Variants in HMCN1 observed in about 807,000 individuals in gnomAD.
HMCN1 encodes the protein hemicentin-1.
HMCN1 carries 321 observed loss-of-function variants against 625.9 expected under a neutral mutation model. That is an observed-to-expected ratio of 0.51 (90% confidence interval 0.47 to 0.56). HMCN1 has a LOEUF of 0.56. Ranked by LOEUF, HMCN1 falls within the 20% of genes least tolerant of loss-of-function variation. HMCN1 has a pLI of 0.00. For missense variants in HMCN1, 6,588 were observed against 6,887.3 expected (o/e 0.96, Z 1.54); for synonymous variants, 2,425 against 2,417.6 (o/e 1.00, Z -0.09).
intron 81 of HMCN1, among the ~76,000 whole-genome samples, chr1:186,124,676 A>T (rs973827216): frequency 6.6e-6 from 1 of 152,102 alleles, no homozygotes; most frequent in Non-Finnish European, 1.5e-5. Flanking sequence ...ATTTTAATCG[A>T]AAACAGTTAA....
intron 1 of HMCN1, among the ~76,000 whole-genome samples, chr1:185,787,059 C>G (rs971541993): frequency 2.6e-5 from 4 of 151,272 alleles, no homozygotes; most frequent in Non-Finnish European, 5.9e-5. Context: ...TAAATTTGAA[C>G]CTATGAGGTG....
At chr1:185,968,496 A>ATT (rs1302812132) in intron 14 of HMCN1, among the ~76,000 whole-genome samples, 72 of 150,822 alleles carry the variant, frequency 4.8e-4, no homozygotes, top group African/African-American at 1.7e-3. Context: ...ATATATATAT[A>ATT]AATTACAAAT....
intron 4 of HMCN1, among the ~76,000 whole-genome samples, chr1:185,898,346 G>A (rs1007585355): frequency 1.6e-4 from 24 of 152,136 alleles, no homozygotes; most frequent in African/African-American, 5.8e-4. Context: ...AGAGAGTCCT[G>A]AACTGTTCAC....
At chr1:185,763,340 G>A (rs1183607601) in intron 1 of HMCN1, among the ~76,000 whole-genome samples, 4 of 152,092 alleles carry the variant, frequency 2.6e-5, no homozygotes, top group African/African-American at 9.7e-5. Context: ...AGGAATTACA[G>A]GGAAACAAAG....
intron 57 of HMCN1, among the ~76,000 whole-genome samples, chr1:186,083,776 A>G (rs1351340615): frequency 1.3e-5 from 2 of 152,124 alleles, no homozygotes; most frequent in Non-Finnish European, 2.9e-5. Flanking sequence ...GGTATCTAGC[A>G]GTATTTGGTG....
In HMCN1 at chr1:185,922,479, C is replaced by G; in HGVS notation, c.1001C>G (p.Thr334Arg). 3 of 1,613,200 alleles carry G rather than the reference C, an allele frequency of 1.9e-6. No individual in the cohort carries two copies. The highest frequency in any genetic ancestry group is 2.5e-6 in the Non-Finnish European group (3 of 1,179,438). ...SRKPTLDFKK[T>R]VSRPVQGIPT... ...AAGCCCACCCTGGACTTCAAAAAAA[C>G]AGTCAGCAGACCAGTGCAAGGTTTG... The change falls in exon 7 of 107, where the codon ACA becomes AGA. Residue 334 changes from threonine to arginine, a missense_variant. Physicochemically the swap from Thr to Arg is moderately conservative, Grantham distance 71. Coordinates refer to ENST00000271588, the MANE Select transcript of HMCN1 (RefSeq NM_031935.3).
In HMCN1 at chr1:185,925,213, T is replaced by C; in HGVS notation, c.1430+22T>C. On this transcript the variant is annotated intron_variant, in intron 9 of 106. Transcript: ENST00000271588. Reference sequence around the variant, plus strand: ...TGAAGTAGGTACATGTTTCTGTCAGTAATAAGATTCAGCATTTAACATGTA... The same window carrying C: ...TGAAGTAGGTACATGTTTCTGTCAGCAATAAGATTCAGCATTTAACATGTA... 5 of 1,601,076 alleles carry C rather than the reference T, an allele frequency of 3.1e-6. No individual in the cohort carries two copies. In the South Asian group the frequency reaches 5.5e-5, roughly 18 times the overall value.
At chr1:185,744,074 C>T (rs551669525) in intron 1 of HMCN1, among the ~76,000 whole-genome samples, 146 of 149,824 alleles carry the variant, frequency 9.7e-4, no homozygotes, top group African/African-American at 3.5e-3. Flanking sequence ...CTGCAAGCTC[C>T]GCCTCCCGGG....
intron 36 of HMCN1, among the ~76,000 whole-genome samples, chr1:186,035,864 T>C (rs568199276): frequency 1.3e-5 from 2 of 152,150 alleles, no homozygotes; most frequent in Non-Finnish European, 2.9e-5. Context: ...CATACACATA[T>C]GCATACACAA....
At chr1:186,060,781 A>C (rs1657637490) in intron 46 of HMCN1, among the ~76,000 whole-genome samples, 1 of 152,046 alleles carries the variant, frequency 6.6e-6, no homozygotes, top group South Asian at 2.1e-4. Flanking sequence ...ATTGAAAGTA[A>C]TGGTAATATA....
chr1:186,055,488 C>T lies in HMCN1; in HGVS notation c.6958C>T (p.Pro2320Ser). The T allele has an allele frequency of 6.2e-7, 1 of 1,612,826 alleles. No individual in the cohort carries two copies. The highest frequency in any genetic ancestry group is 1.1e-5 in the South Asian group (1 of 91,066). Reference sequence around the variant, plus strand: ...CTTGGAGTGTGAGGTGCAGGGTATTCCACCACCAACAGTGACCTGGATGAA... The same window carrying T: ...CTTGGAGTGTGAGGTGCAGGGTATTTCACCACCAACAGTGACCTGGATGAA... ...ISLECEVQGI[P>S]PPTVTWMKDG... Residue 2320 changes from proline to serine, a missense_variant, in exon 45 of 107, where the codon CCA (proline) becomes TCA (serine). By Grantham distance (74) the Pro-to-Ser change is moderately conservative. This residue lies in a region of HMCN1 where 4,628 missense variants were observed against 4,853.1 expected (regional missense o/e 0.95). Coordinates refer to ENST00000271588, the MANE Select transcript of HMCN1 (RefSeq NM_031935.3).
At chr1:186,038,290 G>A (rs1347043597) in intron 37 of HMCN1, among the ~76,000 whole-genome samples, 1 of 152,056 alleles carries the variant, frequency 6.6e-6, no homozygotes, top group Non-Finnish European at 1.5e-5. Flanking sequence ...CAATATTGTG[G>A]CCACAAGGCC....
chr1:186,171,925 T>G, intron 101 of HMCN1, 81 bp from the exon 102 acceptor site: 1 of 1,390,970 alleles, frequency 7.2e-7, no homozygotes, highest in Non-Finnish European at 1.0e-6. Flanking sequence ...ATAATATCCC[T>G]AAAATCCAAA....
At chr1:186,074,977 G>GTT in intron 53 of HMCN1, 86 bp downstream of exon 53, 1 of 1,098,920 alleles carries the variant, frequency 9.1e-7, no homozygotes, top group African/African-American at 1.6e-5. Context: ...TTTAAACAGT[G>GTT]TTTTTTTCTG....
At chr1:186,184,046 T>C (rs1571480583) in intron 105 of HMCN1, among the ~76,000 whole-genome samples, 2 of 152,188 alleles carry the variant, frequency 1.3e-5, no homozygotes, top group East Asian at 3.8e-4. Context: ...TTTCTCCCTT[T>C]CTAAATTGTG....
At chr1:185,805,491 A>C (rs902808564) in intron 1 of HMCN1, among the ~76,000 whole-genome samples, 1 of 152,172 alleles carries the variant, frequency 6.6e-6, no homozygotes, top group African/African-American at 2.4e-5. Context: ...TGACTATTTC[A>C]TTGGTACTTC....
chr1:186,050,199 T>C (rs1656855853), intron 42 of HMCN1, among the ~76,000 whole-genome samples: 1 of 150,872 alleles, frequency 6.6e-6, no homozygotes, highest in South Asian at 2.1e-4. Flanking sequence ...AAATTAGGAG[T>C]GATGATCAAT....
intron 102 of HMCN1, among the ~76,000 whole-genome samples, chr1:186,174,280 G>A (rs1286655798): frequency 6.6e-6 from 1 of 152,186 alleles, no homozygotes; most frequent in Non-Finnish European, 1.5e-5. Context: ...AAAGAAATCT[G>A]TGAATAAAAC....
intron 100 of HMCN1, 54 bp downstream of exon 100, chr1:186,166,996 C>A (rs1024098190): frequency 5.6e-6 from 9 of 1,607,430 alleles, no homozygotes; most frequent in Non-Finnish European, 7.7e-6. Context: ...ATTAGACCCA[C>A]CTTTTGACTC....
Sources: gnomAD v4.1 joint callset for allele counts (sites outside exome capture counted in the v4.1 genomes callset) on GRCh38, gnomAD v4.1.1 for gene constraint, gnomAD v4.1.1 regional missense constraint, MANE v1.5 for transcripts, NCBI Gene and HGNC (gene_info 2026-07-23, HGNC 2026-07-21) for gene names.